Variants in PCDHGA2 observed in about 807,000 individuals in gnomAD.
PCDHGA2 encodes protocadherin gamma-A2.
A neutral mutation model predicts 59.2 loss-of-function variants in PCDHGA2; 40 were observed. That is an observed-to-expected ratio of 0.68 (90% CI 0.52 to 0.88). The LOEUF is 0.88. Among genes scored for constraint, PCDHGA2 ranks in the 40% least tolerant of loss-of-function variants. PCDHGA2 has a pLI of 0.00. For missense variants in PCDHGA2, 1,226 were observed against 1,204.0 expected (o/e 1.02, Z -0.27); for synonymous variants, 560 against 526.0 (o/e 1.06, Z -0.89).
At chr5:141,427,440 G>A (rs747459662) in intron 1 of PCDHGA2, 1 of 477,484 alleles carries the variant, frequency 2.1e-6, no homozygotes, top group South Asian at 1.5e-5. Flanking sequence ...CCTCATAAAC[G>A]AAAGAGTTCC....
Position 141,388,677 on chromosome 5 carries a change from A to G in PCDHGA2, c.2424+47282A>G, listed in dbSNP as rs369048942. 2.1e-5 allele frequency: 34 copies of G among 1,613,854 alleles called. 1 individual carries two copies. Among genetic ancestry groups the G allele is most frequent in the African/African-American group, 2.7e-5 (2 of 74,914 alleles). ...CCCGGGGACCACGGTGCTACAGGTGACTGCCACGGACCAGGATGAGGGTGT... is the reference window on the plus strand; with the variant it reads ...CCCGGGGACCACGGTGCTACAGGTGGCTGCCACGGACCAGGATGAGGGTGT... On this transcript the variant is annotated intron_variant, in intron 1 of 3. Transcript: ENST00000394576.
Position 141,340,279 on chromosome 5 carries a change from T to C in PCDHGA2, c.1308T>C (p.Ala436=), listed in dbSNP as rs764591784. 6.2e-7 allele frequency: 1 copy of C among 1,614,116 alleles called. No homozygotes were observed. Residue 436 remains alanine (A), a synonymous_variant, in exon 1 of 4, where the codon GCT becomes GCC. Transcript: ENST00000394576. ...DGGNPSLSTD[A]HILLQVADIN... Reference sequence around the variant, plus strand: ...GGAACCCCTCCCTGTCCACGGATGCTCACATTTTGCTCCAGGTGGCAGACA... The same window carrying C: ...GGAACCCCTCCCTGTCCACGGATGCCCACATTTTGCTCCAGGTGGCAGACA...
intron 1 of PCDHGA2, chr5:141,421,168 A>G: frequency 1.5e-6 from 2 of 1,331,612 alleles, no homozygotes; most frequent in South Asian, 1.5e-5. Context: ...TCATAGATAC[A>G]TAAGCCGATT....
Position 141,476,247 on chromosome 5 carries a change from G to A in PCDHGA2, c.2425-18560G>A. The A allele has an allele frequency of 6.2e-7, 1 of 1,614,042 alleles. No individual in the cohort carries two copies. Among genetic ancestry groups the A allele is most frequent in the Non-Finnish European group, 8.5e-7 (1 of 1,180,010 alleles). Reference sequence around the variant, plus strand: ...GAGATCCCGGAGGAAAGAGAGAAGGGTTTCGCTGTGGGCAACGTGGTCGCG... The same window carrying A: ...GAGATCCCGGAGGAAAGAGAGAAGGATTTCGCTGTGGGCAACGTGGTCGCG... On this transcript the variant is annotated intron_variant, in intron 1 of 3. Transcript: ENST00000394576. This position sits in a 1 kb window ranked among gnomAD's most constrained non-coding sequence, Gnocchi z 7.6.
rs1385557537 is a variant in PCDHGA2 at position 141,415,739 on chromosome 5, GGTT to G, written c.2424+74345_2424+74347del. 2.0e-4 allele frequency: 88 copies of G among 435,112 alleles called. 2 individuals are homozygous for G. In the African/African-American group the frequency reaches 2.4e-3, roughly 12 times the overall value. 27.0% of individuals were successfully genotyped at this position (435,112 alleles called of 1,614,324 possible). A position where few individuals can be genotyped will look rare whatever the true frequency, so the allele number is the denominator to read the frequency against. On this transcript the variant is annotated intron_variant, in intron 1 of 3. Coordinates refer to ENST00000394576, the MANE Select transcript of PCDHGA2 (RefSeq NM_018915.4). ...ATGAGTAGAATTTGATGTTTATTAA[GGTT>G]TTTTTTTTTTTTTTTTTTTTTTTTT...
At position 141,511,481 on chromosome 5, in the gene PCDHGA2, ACTC is replaced by A. The variant is rs2154594681; in HGVS notation, c.*313_*315del. On this transcript the variant is annotated 3_prime_UTR_variant, in exon 4 of 4. Coordinates refer to ENST00000394576, the MANE Select transcript of PCDHGA2 (RefSeq NM_018915.4). ...CCACACCCCGTTTAGTTACAGCTGAACTCCTCCATCTTCCAAATCAATCAGGCC... is the reference window on the plus strand; with the variant it reads ...CCACACCCCGTTTAGTTACAGCTGAACTCCATCTTCCAAATCAATCAGGCC... 2 of 464,080 alleles carry A rather than the reference ACTC, an allele frequency of 4.3e-6. No individual in the cohort carries two copies. The highest frequency in any genetic ancestry group is 7.7e-6 in the Non-Finnish European group (2 of 260,856). The allele number at this position is 464,080 out of a possible 1,614,324, so 28.7% of individuals were successfully genotyped here.
At chr5:141,425,842 T>G (rs2096897830) in intron 1 of PCDHGA2, among the ~76,000 whole-genome samples, 1 of 152,230 alleles carries the variant, frequency 6.6e-6, no homozygotes, top group Non-Finnish European at 1.5e-5. Context: ...TTCTCTTTGC[T>G]GGGTTAATGA....
At chr5:141,352,835 A>G (rs1759122249) in intron 1 of PCDHGA2, 2 of 733,514 alleles carry the variant, frequency 2.7e-6, no homozygotes, top group East Asian at 2.7e-5. Context: ...TAAAATTACA[A>G]AAATTAGTTG....
chr5:141,433,347 CCTA>C, intron 1 of PCDHGA2: 1 of 626,716 alleles, frequency 1.6e-6, no homozygotes, highest in South Asian at 2.0e-5. Flanking sequence ...GTGCAAGCCA[CCTA>C]CTGTCTGCCT....
intron 1 of PCDHGA2, chr5:141,441,038 G>T (rs1263659082): frequency 1.3e-5 from 2 of 152,156 alleles, no homozygotes; most frequent in Non-Finnish European, 2.9e-5. Flanking sequence ...AAAACTTTAA[G>T]TACATTGGAC....
intron 1 of PCDHGA2, chr5:141,430,740 A>C (rs1485485180): frequency 5.3e-6 from 8 of 1,497,664 alleles, no homozygotes; most frequent in Non-Finnish European, 7.1e-6. Context: ...AATTGAAAAT[A>C]ATTCTGGAGG....
chr5:141,434,010 T>C (rs772136259), intron 1 of PCDHGA2, among the ~76,000 whole-genome samples: 26 of 152,224 alleles, frequency 1.7e-4, no homozygotes, highest in Non-Finnish European at 3.1e-4. Flanking sequence ...TATATGTTTG[T>C]TTCTATGATT....
intron 2 of PCDHGA2, among the ~76,000 whole-genome samples, chr5:141,501,771 G>A (rs957546749): frequency 7.2e-5 from 11 of 152,118 alleles, no homozygotes; most frequent in African/African-American, 2.7e-4. Context: ...GGTTAAAAAA[G>A]AGGTCTCTCT....
intron 1 of PCDHGA2, among the ~76,000 whole-genome samples, chr5:141,359,860 AAG>A (rs1033135991): frequency 6.6e-6 from 1 of 152,190 alleles, no homozygotes; most frequent in Non-Finnish European, 1.5e-5. Context: ...TAAATTAAAA[AAG>A]AAAAGAAAAG....
At chr5:141,384,213 A>G (rs1779846196) in intron 1 of PCDHGA2, 2 of 1,613,872 alleles carry the variant, frequency 1.2e-6, no homozygotes, top group Non-Finnish European at 1.7e-6. Context: ...AAACTCACAT[A>G]TTCATGCAGG....
chr5:141,349,423 C>T (rs1758290992), intron 1 of PCDHGA2, among the ~76,000 whole-genome samples: 1 of 152,052 alleles, frequency 6.6e-6, no homozygotes. Flanking sequence ...AACAAATGTA[C>T]ATTATATGAG....
chr5:141,409,220 G>A (rs1327857530), intron 1 of PCDHGA2: 1 of 1,613,988 alleles, frequency 6.2e-7, no homozygotes, highest in Non-Finnish European at 8.5e-7. Context: ...AATCCTTGAT[G>A]AAAACGACAA....
At chr5:141,362,410 C>G (rs374650665) in intron 1 of PCDHGA2, 14 of 1,613,916 alleles carry the variant, frequency 8.7e-6, no homozygotes, top group Non-Finnish European at 1.2e-5. Flanking sequence ...TGTTGCCTCA[C>G]AATCAGCCAA....
intron 1 of PCDHGA2, among the ~76,000 whole-genome samples, chr5:141,459,968 C>T (rs1260233942): frequency 1.3e-5 from 2 of 152,190 alleles, no homozygotes; most frequent in East Asian, 3.8e-4. Context: ...ATCCCAGCTA[C>T]TCAGGAGGCT....
Sources: allele counts gnomAD v4.1 joint callset (sites outside exome capture counted in the v4.1 genomes callset), GRCh38; gene constraint gnomAD v4.1.1; non-coding constraint Gnocchi (gnomAD v3.1); transcripts MANE v1.5; gene names NCBI Gene and HGNC (gene_info 2026-07-23, HGNC 2026-07-21).